Variants in EPB41 observed in about 807,000 individuals in gnomAD.
EPB41 encodes erythrocyte membrane protein band 4.1, also known as protein 4.1.
In EPB41, 65 loss-of-function variants were observed where a neutral mutation model predicts 108.0. That is an observed-to-expected ratio of 0.60 (90% CI 0.49 to 0.74). EPB41 has a LOEUF of 0.74. Ranked by LOEUF, EPB41 falls within the 30% of genes least tolerant of loss-of-function variation. The pLI, the probability that EPB41 is intolerant of heterozygous loss-of-function variation, is 0.00. For synonymous variants in EPB41, 336 were observed against 358.9 expected (o/e 0.94, Z 0.72); for missense variants, 875 against 1,037.0 (o/e 0.84, Z 2.15).
At chr1:29,074,033 A>G (rs1326035966) in intron 16 of EPB41, among the ~76,000 whole-genome samples, 1 of 152,216 alleles carries the variant, frequency 6.6e-6, no homozygotes, top group Non-Finnish European at 1.5e-5. Context: ...CCTATAGGAC[A>G]CATGAGGCAT....
intron 4 of EPB41, among the ~76,000 whole-genome samples, chr1:28,999,418 GAA>G (rs1396161398): frequency 6.6e-6 from 1 of 152,094 alleles, no homozygotes; most frequent in African/African-American, 2.4e-5. Context: ...GAAATACTCT[GAA>G]AAGTGTTTTA....
intron 11 of EPB41, among the ~76,000 whole-genome samples, chr1:29,048,934 A>G (rs1644011538): frequency 6.6e-6 from 1 of 152,070 alleles, no homozygotes; most frequent in South Asian, 2.1e-4. Context: ...TCCTTTCCTT[A>G]GATACTTCTC....
At chr1:29,066,597 T>A (rs1558213338) in intron 16 of EPB41, among the ~76,000 whole-genome samples, 3 of 152,240 alleles carry the variant, frequency 2.0e-5, no homozygotes, top group African/African-American at 4.8e-5. Flanking sequence ...TTAAAAATTA[T>A]GTGCTTGTTT....
At chr1:29,092,715 C>G (rs1054595663) in intron 16 of EPB41, among the ~76,000 whole-genome samples, 1 of 152,136 alleles carries the variant, frequency 6.6e-6, no homozygotes, top group Admixed American at 6.6e-5. Context: ...CCTCCACCCT[C>G]AAGTAGGCCC....
chr1:28,994,632 A>T (rs542729617), intron 3 of EPB41, among the ~76,000 whole-genome samples: 2 of 117,052 alleles, frequency 1.7e-5, no homozygotes, highest in Admixed American at 8.9e-5. Flanking sequence ...GGAACAAACT[A>T]TTTTATTTAT....
chr1:28,917,260 G>GTGTGTGTA (rs2092747763), intron 1 of EPB41, among the ~76,000 whole-genome samples: 1 of 151,682 alleles, frequency 6.6e-6, no homozygotes, highest in Non-Finnish European at 1.5e-5. Context: ...GTGTGTGTGT[G>GTGTGTGTA]TGTGTGTATG....
At chr1:28,938,039 T>C (rs2094119692) in intron 1 of EPB41, among the ~76,000 whole-genome samples, 1 of 152,212 alleles carries the variant, frequency 6.6e-6, no homozygotes, top group African/African-American at 2.4e-5. Context: ...GGACTCTCAG[T>C]TCCATTCCGT....
intron 16 of EPB41, among the ~76,000 whole-genome samples, chr1:29,088,423 T>A (rs1660043781): frequency 6.6e-6 from 1 of 152,184 alleles, no homozygotes; most frequent in Admixed American, 6.5e-5. Context: ...TCACATTAAG[T>A]CTCAGCTTTG....
At chr1:29,017,312 G>T (rs967129561) in intron 6 of EPB41, among the ~76,000 whole-genome samples, 3 of 152,162 alleles carry the variant, frequency 2.0e-5, no homozygotes, top group African/African-American at 7.2e-5. Flanking sequence ...TAGAAGCAAA[G>T]ATATGATTCT....
chr1:28,911,079 G>C (rs2092232575), upstream of EPB41: 1 of 985,372 alleles, frequency 1.0e-6, no homozygotes, highest in Non-Finnish European at 1.2e-6. Flanking sequence ...GTTTGCAGAA[G>C]TCTGAGAGGG....
intron 11 of EPB41, among the ~76,000 whole-genome samples, chr1:29,048,913 C>G (rs771778807): frequency 1.3e-5 from 2 of 152,088 alleles, no homozygotes; most frequent in African/African-American, 2.4e-5. Flanking sequence ...GTCTGTGTAA[C>G]TATTTTTCCC....
At chr1:29,049,720 ATCT>A (rs1466928750) in intron 11 of EPB41, among the ~76,000 whole-genome samples, 2 of 152,268 alleles carry the variant, frequency 1.3e-5, no homozygotes, top group East Asian at 3.9e-4. Context: ...GTATATAACT[ATCT>A]AAGTTTCTGT....
At chr1:29,102,766 A>ATATTTT (rs1465322354) in intron 17 of EPB41, among the ~76,000 whole-genome samples, 2 of 150,136 alleles carry the variant, frequency 1.3e-5, no homozygotes, top group African/African-American at 2.4e-5. Context: ...ATTTATATTC[A>ATATTTT]TATTTTTATT....
At chr1:28,977,583 A>G (rs780470480) in intron 1 of EPB41, among the ~76,000 whole-genome samples, 3 of 152,154 alleles carry the variant, frequency 2.0e-5, no homozygotes, top group Non-Finnish European at 4.4e-5. Flanking sequence ...GTTTGTTTAA[A>G]TCAAAAGACC....
chr1:29,081,727 C>T (rs931633152), intron 16 of EPB41, among the ~76,000 whole-genome samples: 5 of 150,896 alleles, frequency 3.3e-5, no homozygotes, highest in Admixed American at 6.6e-5. Context: ...CCCAGCTACT[C>T]GGGAGGCTCA....
chr1:29,049,267 G>C (rs1045654932), intron 11 of EPB41, among the ~76,000 whole-genome samples: 4 of 152,084 alleles, frequency 2.6e-5, no homozygotes, highest in Non-Finnish European at 5.9e-5. Flanking sequence ...CCATTTCCAT[G>C]TATTCCTATT....
At chr1:29,047,386 A>G (rs1400031114) in intron 11 of EPB41, among the ~76,000 whole-genome samples, 2 of 148,522 alleles carry the variant, frequency 1.3e-5, no homozygotes, top group Admixed American at 6.7e-5. Flanking sequence ...AGTAGCTGGT[A>G]CCACAAGTTC....
chr1:28,949,832 G>A (rs2094637287), intron 1 of EPB41, among the ~76,000 whole-genome samples: 1 of 152,056 alleles, frequency 6.6e-6, no homozygotes, highest in Non-Finnish European at 1.5e-5. Context: ...TCGATCTCCT[G>A]ACCTTGTGAT....
chr1:28,995,531 C>T (rs184939422), intron 3 of EPB41, among the ~76,000 whole-genome samples: 8 of 152,276 alleles, frequency 5.3e-5, no homozygotes, highest in Non-Finnish European at 7.4e-5. Context: ...CACTGCACTC[C>T]AGCCTGGCGA....
Sources: allele counts gnomAD v4.1 joint callset (sites outside exome capture counted in the v4.1 genomes callset), GRCh38; gene constraint gnomAD v4.1.1; transcripts MANE v1.5; gene names NCBI Gene and HGNC (gene_info 2026-07-23, HGNC 2026-07-21).